Variants in SKIC3 observed in about 807,000 individuals in gnomAD.
SKIC3 encodes the protein SKI3 subunit of superkiller complex.
the SKIC3 span, among the ~76,000 whole-genome samples, chr5:95,467,497 C>T: frequency 6.6e-6 from 1 of 152,068 alleles, no homozygotes; most frequent in South Asian, 2.1e-4. Context: ...GCATCTTGTA[C>T]ATATACAGGT....
chr5:95,540,949 A>G, the SKIC3 span: 1,472 of 981,242 alleles, frequency 1.5e-3, no homozygotes, highest in Non-Finnish European at 2.0e-3. Flanking sequence ...GCAAAAGCAT[A>G]GAACCCCATC....
the SKIC3 span, among the ~76,000 whole-genome samples, chr5:95,501,408 C>G: frequency 1.3e-5 from 2 of 152,128 alleles, no homozygotes; most frequent in East Asian, 3.9e-4. Context: ...TAATCCTATT[C>G]CCCTTAAATC....
the SKIC3 span, chr5:95,543,092 T>TTAAATGCTTAGTTTAATGTTGAAACCTG: frequency 6.8e-7 from 1 of 1,472,676 alleles, no homozygotes; most frequent in Non-Finnish European, 9.3e-7. Flanking sequence ...AAATGTAGGT[T>TTAAATGCTTAGTTTAATGTTGAAACCTG]TAAATGCTTA....
chr5:95,506,989 C>T, the SKIC3 span: 1 of 1,612,894 alleles, frequency 6.2e-7, no homozygotes, highest in South Asian at 1.1e-5. Context: ...TGGTCTTCTG[C>T]AGTCTGTAAC....
At chr5:95,541,788 A>T in the SKIC3 span, 1 of 1,511,222 alleles carries the variant, frequency 6.6e-7, no homozygotes. Flanking sequence ...TTTGAAAGAA[A>T]CTGGACTTTC....
the SKIC3 span, among the ~76,000 whole-genome samples, chr5:95,544,482 T>TA: frequency 6.6e-6 from 1 of 152,202 alleles, no homozygotes; most frequent in Non-Finnish European, 1.5e-5. Context: ...TCTTCAGACA[T>TA]ACAAAAGACC....
chr5:95,521,907 G>A, the SKIC3 span: 1 of 888,858 alleles, frequency 1.1e-6, no homozygotes, highest in East Asian at 2.6e-5. Flanking sequence ...ATTTATATAA[G>A]CTATACTGTA....
At chr5:95,516,373 G>C in the SKIC3 span, 1 of 1,612,958 alleles carries the variant, frequency 6.2e-7, no homozygotes, top group Non-Finnish European at 8.5e-7. Flanking sequence ...TCATTTGTGA[G>C]GTATAACACT....
At chr5:95,471,924 T>C in the SKIC3 span, among the ~76,000 whole-genome samples, 1 of 152,066 alleles carries the variant, frequency 6.6e-6, no homozygotes, top group African/African-American at 2.4e-5. Context: ...TGTTGAAAAA[T>C]TACGAAGAGT....
chr5:95,517,893 T>C, the SKIC3 span, among the ~76,000 whole-genome samples: 1,407 of 152,132 alleles, frequency 9.2e-3, 23 homozygotes, highest in African/African-American at 0.032. Context: ...ATACTGTTAT[T>C]GTAGGAATGG....
At chr5:95,468,069 T>A in the SKIC3 span, 1 of 1,551,782 alleles carries the variant, frequency 6.4e-7, no homozygotes. Context: ...CACACACACA[T>A]TATCTTTCTC....
chr5:95,547,142 G>C, the SKIC3 span: 1 of 1,612,858 alleles, frequency 6.2e-7, no homozygotes, highest in Non-Finnish European at 8.5e-7. Flanking sequence ...TCACTTCCTT[G>C]CTGGACATTC....
chr5:95,525,175 G>A, the SKIC3 span, among the ~76,000 whole-genome samples: 208 of 152,160 alleles, frequency 1.4e-3, no homozygotes, highest in African/African-American at 3.7e-3. Context: ...GAGCCACCAC[G>A]CCCGGCCAAG....
chr5:95,530,192 T>C, the SKIC3 span: 7 of 1,613,616 alleles, frequency 4.3e-6, no homozygotes, highest in South Asian at 2.2e-5. Flanking sequence ...TTTCCACTAA[T>C]CTACAACAAT....
the SKIC3 span, among the ~76,000 whole-genome samples, chr5:95,492,680 A>AAAAAAAAAAAAAAAAAAAAAAAAAT: frequency 7.0e-6 from 1 of 142,058 alleles, no homozygotes; most frequent in Non-Finnish European, 1.5e-5. Context: ...AAAAAAAAAA[A>AAAAAAAAAAAAAAAAAAAAAAAAAT]AAAAAAAAAC....
the SKIC3 span, among the ~76,000 whole-genome samples, chr5:95,484,508 G>A: frequency 1.1e-4 from 17 of 151,800 alleles, no homozygotes; most frequent in East Asian, 3.1e-3. Context: ...CACCAGGACC[G>A]GTTAATTTTT....
the SKIC3 span, among the ~76,000 whole-genome samples, chr5:95,529,591 T>A: frequency 4.6e-5 from 7 of 152,164 alleles, no homozygotes; most frequent in African/African-American, 1.7e-4. Flanking sequence ...GCTCAGGCTA[T>A]TTCACAGATT....
chr5:95,550,121 C>G, the SKIC3 span, among the ~76,000 whole-genome samples: 1 of 151,884 alleles, frequency 6.6e-6, no homozygotes, highest in Non-Finnish European at 1.5e-5. Flanking sequence ...CGTTTTCACT[C>G]AAGTTTTTCT....
At chr5:95,541,773 C>T in the SKIC3 span, 6 of 1,401,264 alleles carry the variant, frequency 4.3e-6, no homozygotes, top group South Asian at 1.2e-5. Flanking sequence ...TATTAAAATT[C>T]AAGCTTTGAA....
Sources: gnomAD v4.1 joint callset for allele counts (sites outside exome capture counted in the v4.1 genomes callset) on GRCh38, gnomAD v4.1.1 for gene constraint, MANE v1.5 for transcripts, NCBI Gene and HGNC (gene_info 2026-07-23, HGNC 2026-07-21) for gene names.